Variants in PPP2R2B observed in about 807,000 individuals in gnomAD.
PPP2R2B encodes protein phosphatase 2 regulatory subunit Bbeta.
Under a neutral mutation model 46.0 loss-of-function variants are expected in PPP2R2B, and 5 were observed. The ratio of observed to expected loss-of-function variants is 0.11; its 90% CI spans 0.06 to 0.23. The LOEUF is 0.23. Among genes scored for constraint, PPP2R2B ranks in the 10% least tolerant of loss-of-function variants. PPP2R2B has a pLI of 1.00. For synonymous variants in PPP2R2B, 215 were observed against 206.7 expected, an observed-to-expected ratio of 1.04 and a Z score of -0.34; for missense variants, 367 against 575.0, an observed-to-expected ratio of 0.64 and a Z score of 3.70.
chr5:146,778,783 C>T (rs1755335303), intron 2 of PPP2R2B, among the ~76,000 whole-genome samples: 1 of 152,164 alleles, frequency 6.6e-6, no homozygotes, highest in Non-Finnish European at 1.5e-5. Flanking sequence ...ATTTAAGTAA[C>T]AATTTGGAAA....
chr5:147,009,605 T>C lies in PPP2R2B; in HGVS notation c.79+46060A>G, dbSNP rs1162288831. 2.0e-5 allele frequency among the ~76,000 whole-genome samples: 3 copies of C among 152,066 alleles called. No individual in the cohort carries two copies. In the East Asian group the frequency reaches 5.8e-4, roughly 29 times the overall value. On this transcript the variant is annotated intron_variant, in intron 1 of 8. Coordinates refer to the PPP2R2B transcript ENST00000336640. ...CCTACTTTTACATCTAGACAAATGA[T>C]GGGAAAACTCAAGTTTTTTTTAGGA...
At chr5:146,963,222 GCAGA>G (rs567411462) in intron 1 of PPP2R2B, among the ~76,000 whole-genome samples, 108 of 152,272 alleles carry the variant, frequency 7.1e-4, no homozygotes, top group African/African-American at 2.5e-3. Flanking sequence ...CAGAATCAGT[GCAGA>G]CAATCATTGC....
rs560001567 is a variant in PPP2R2B at position 146,660,305 on chromosome 5, T to C, written c.448-9581A>G. Reference sequence around the variant, plus strand: ...AGGAAGAATGCCAGTCATTTTTCATTTTAAAAAATATGCATCTTAATTCCA... The same window carrying C: ...AGGAAGAATGCCAGTCATTTTTCATCTTAAAAAATATGCATCTTAATTCCA... On this transcript the variant is annotated intron_variant, in intron 5 of 9. Coordinates refer to ENST00000394411, the MANE Select transcript of PPP2R2B (RefSeq NM_181675.4). 3.9e-5 allele frequency among the ~76,000 whole-genome samples: 6 copies of C among 152,356 alleles called. No individual in the cohort carries two copies. The South Asian group carries it at 1.0e-3, about 26-fold the overall frequency.
At chr5:146,683,699 C>A (rs910256841) in intron 5 of PPP2R2B, among the ~76,000 whole-genome samples, 2 of 152,142 alleles carry the variant, frequency 1.3e-5, no homozygotes, top group African/African-American at 4.8e-5. Context: ...AAACTCTCAT[C>A]CCCCAAAGGC....
At chr5:146,949,883 T>G (rs1764597978) in intron 1 of PPP2R2B, among the ~76,000 whole-genome samples, 1 of 152,014 alleles carries the variant, frequency 6.6e-6, no homozygotes, top group South Asian at 2.1e-4. Flanking sequence ...CTAGAGTACA[T>G]TATGTTAAGT....
At chr5:146,877,426 A>G (rs1450481623) in intron 2 of PPP2R2B, among the ~76,000 whole-genome samples, 1 of 152,186 alleles carries the variant, frequency 6.6e-6, no homozygotes, top group Non-Finnish European at 1.5e-5. Context: ...GCTGCCCGCC[A>G]GAGCACTATT....
At chr5:146,989,077 C>T (rs1280252865) in intron 1 of PPP2R2B, among the ~76,000 whole-genome samples, 1 of 151,804 alleles carries the variant, frequency 6.6e-6, no homozygotes, top group Non-Finnish European at 1.5e-5. Context: ...CTGAACAGAC[C>T]AATAATGAGC....
intron 1 of PPP2R2B, among the ~76,000 whole-genome samples, chr5:146,892,683 T>G (rs1762525652): frequency 6.6e-6 from 1 of 152,154 alleles, no homozygotes; most frequent in African/African-American, 2.4e-5. Context: ...CAGTGTCTTT[T>G]GAGGCATTTG....
At chr5:146,710,446 A>T (rs890301765) in intron 2 of PPP2R2B, among the ~76,000 whole-genome samples, 1 of 152,248 alleles carries the variant, frequency 6.6e-6, no homozygotes, top group Non-Finnish European at 1.5e-5. Flanking sequence ...TATTCAAAAC[A>T]AGTTCCTGCA....
chr5:146,617,765 G>C (rs1773319367), intron 7 of PPP2R2B, among the ~76,000 whole-genome samples: 1 of 151,150 alleles, frequency 6.6e-6, no homozygotes. Context: ...CGCGATCTCA[G>C]CTCACTGCAA....
At chr5:146,984,401 C>A (rs553883985) in intron 1 of PPP2R2B, among the ~76,000 whole-genome samples, 55 of 152,312 alleles carry the variant, frequency 3.6e-4, no homozygotes, top group African/African-American at 1.3e-3. Flanking sequence ...TCTATGTTGT[C>A]ACAAATGATA....
At chr5:146,903,514 G>A (rs1218339086) in intron 1 of PPP2R2B, among the ~76,000 whole-genome samples, 2 of 150,826 alleles carry the variant, frequency 1.3e-5, no homozygotes, top group African/African-American at 4.9e-5. Context: ...TTTCACCTCA[G>A]CCTCCTGAGT....
intron 1 of PPP2R2B, among the ~76,000 whole-genome samples, chr5:146,985,021 T>C (rs913258436): frequency 5.2e-5 from 7 of 135,180 alleles, no homozygotes; most frequent in African/African-American, 2.0e-4. Flanking sequence ...CTTTTTCTTT[T>C]TTTTTTTTTT....
chr5:146,829,459 C>T (rs1267161147), intron 2 of PPP2R2B, among the ~76,000 whole-genome samples: 1 of 152,056 alleles, frequency 6.6e-6, no homozygotes, highest in Admixed American at 6.5e-5. Flanking sequence ...GTTTCATTTG[C>T]AACATGAGTA....
rs192705601 is a variant in PPP2R2B at position 146,684,652 on chromosome 5, C to T, written c.447+6476G>A. Among the ~76,000 whole-genome samples, 195 of 152,308 alleles carry T rather than the reference C, an allele frequency of 1.3e-3. 1 individual carries two copies. Among genetic ancestry groups the T allele is most frequent in the South Asian group, 4.6e-3 (22 of 4,828 alleles). On this transcript the variant is annotated intron_variant, in intron 5 of 9. Transcript: ENST00000394411. ...ATGCCCAACATGAAAGCCCATCTAC[C>T]CTCCAGATGCATCGTGGAAACTCCT...
intron 2 of PPP2R2B, among the ~76,000 whole-genome samples, chr5:146,808,088 A>G (rs1757300059): frequency 6.6e-6 from 1 of 151,982 alleles, no homozygotes; most frequent in Non-Finnish European, 1.5e-5. Context: ...GACGTGAGCC[A>G]CCGCACCCAG....
chr5:146,597,761 C>A (rs559108648), intron 8 of PPP2R2B, among the ~76,000 whole-genome samples: 4 of 152,284 alleles, frequency 2.6e-5, no homozygotes, highest in African/African-American at 7.2e-5. Context: ...AGCTAATGAC[C>A]TTACTACTTA....
intron 7 of PPP2R2B, among the ~76,000 whole-genome samples, chr5:146,633,028 G>A (rs761707005): frequency 3.3e-5 from 5 of 152,228 alleles, no homozygotes; most frequent in Non-Finnish European, 4.4e-5. Context: ...ATACTCATGC[G>A]TGGAAAGGGG....
At position 147,061,332 on chromosome 5, in the gene PPP2R2B, G is replaced by A. The variant is rs1249614900; in HGVS notation, c.50+19727C>T. On this transcript the variant is annotated intron_variant, in intron 2 of 10. Transcript: ENST00000394413. ...GCTTGATGGTCAGGGAAGGCTTCTT[G>A]GAGGAGGTGACATTTGAGCTGAAAA... Among the ~76,000 whole-genome samples the A allele has an allele frequency of 2.6e-5, 4 of 152,110 alleles. No homozygotes were observed. In the East Asian group the frequency reaches 7.7e-4, roughly 29 times the overall value.
Sources: gnomAD v4.1 joint callset for allele counts (sites outside exome capture counted in the v4.1 genomes callset) on GRCh38, gnomAD v4.1.1 for gene constraint, MANE v1.5 for transcripts, NCBI Gene and HGNC (gene_info 2026-07-23, HGNC 2026-07-21) for gene names.